Variants in ROBO2 observed in about 807,000 individuals in gnomAD.
The protein encoded by ROBO2 is roundabout homolog 2.
In ROBO2, 53 loss-of-function variants were observed where a neutral mutation model predicts 160.8. The observed-to-expected ratio is 0.33, with a 90% CI of 0.26 to 0.41. The LOEUF (loss-of-function observed/expected upper bound fraction) is 0.41, where lower values mean the gene tolerates loss of function less well. Among genes scored for constraint, ROBO2 ranks in the 10% least tolerant of loss-of-function variants. ROBO2 has a pLI of 1.00. For synonymous variants in ROBO2, 664 were observed against 611.7 expected, an observed-to-expected ratio of 1.09 and a Z score of -1.26; for missense variants, 1,577 against 1,722.4, an observed-to-expected ratio of 0.92 and a Z score of 1.49.
At chr3:77,560,870 A>G (rs1443618892) in intron 9 of ROBO2, among the ~76,000 whole-genome samples, 2 of 152,078 alleles carry the variant, frequency 1.3e-5, no homozygotes, top group African/African-American at 4.8e-5. Context: ...AAATTCTTTT[A>G]CTCTTTCACA....
chr3:76,928,438 C>T (rs540242961), intron 2 of ROBO2, among the ~76,000 whole-genome samples: 1 of 147,844 alleles, frequency 6.8e-6, no homozygotes, highest in Non-Finnish European at 1.5e-5. Flanking sequence ...TTGTGTGCTA[C>T]TAAGTTTATG....
intron 2 of ROBO2, among the ~76,000 whole-genome samples, chr3:76,122,968 T>C (rs1366946763): frequency 2.0e-5 from 3 of 151,982 alleles, no homozygotes; most frequent in Admixed American, 6.6e-5. Flanking sequence ...AGGTTGGTCT[T>C]GATCTCCTGA....
chr3:76,702,520 T>C (rs2093067157), intron 2 of ROBO2, among the ~76,000 whole-genome samples: 1 of 145,144 alleles, frequency 6.9e-6, no homozygotes, highest in Non-Finnish European at 1.5e-5. Flanking sequence ...TGTATGTGTG[T>C]GTGAAAGACA....
intron 2 of ROBO2, among the ~76,000 whole-genome samples, chr3:76,951,290 C>G (rs2078939412): frequency 2.6e-5 from 4 of 152,204 alleles, no homozygotes. Context: ...CATTTGTACT[C>G]TCTTTTCTGT....
chr3:76,487,442 A>G (rs932455954), intron 2 of ROBO2, among the ~76,000 whole-genome samples: 1 of 152,198 alleles, frequency 6.6e-6, no homozygotes, highest in Non-Finnish European at 1.5e-5. Flanking sequence ...TGTTATTCTG[A>G]TAAAAATATA....
chr3:76,022,771 GA>G (rs1263084237), intron 2 of ROBO2, among the ~76,000 whole-genome samples: 1 of 151,706 alleles, frequency 6.6e-6, no homozygotes, highest in African/African-American at 2.4e-5. Flanking sequence ...AATGGTAAAT[GA>G]ATATTGGCTT....
At chr3:77,504,650 C>A (rs964399276) in intron 5 of ROBO2, among the ~76,000 whole-genome samples, 4 of 151,900 alleles carry the variant, frequency 2.6e-5, no homozygotes, top group African/African-American at 4.8e-5. Flanking sequence ...AAACGTAAAC[C>A]CCAAATCGCC....
At chr3:76,961,958 G>A (rs887650661) in intron 2 of ROBO2, among the ~76,000 whole-genome samples, 1 of 152,116 alleles carries the variant, frequency 6.6e-6, no homozygotes, top group African/African-American at 2.4e-5. Context: ...CAATGCTTTG[G>A]GAGGCCAAGG....
intron 2 of ROBO2, among the ~76,000 whole-genome samples, chr3:76,813,196 A>G (rs1345628591): frequency 3.3e-5 from 5 of 152,038 alleles, no homozygotes; most frequent in African/African-American, 9.7e-5. Flanking sequence ...TGCAAGACTA[A>G]AATAATTATA....
chr3:76,501,368 C>A (rs2080454323), intron 2 of ROBO2, among the ~76,000 whole-genome samples: 1 of 152,148 alleles, frequency 6.6e-6, no homozygotes, highest in African/African-American at 2.4e-5. Flanking sequence ...ATTATATTAT[C>A]CCAATCCTCT....
intron 2 of ROBO2, among the ~76,000 whole-genome samples, chr3:76,319,948 G>A (rs575608949): frequency 1.2e-4 from 18 of 152,122 alleles, no homozygotes; most frequent in South Asian, 4.1e-4. Context: ...CAGGATTAGA[G>A]GGGGGAAGGC....
At chr3:76,269,440 G>A (rs1050731724) in intron 2 of ROBO2, among the ~76,000 whole-genome samples, 1 of 151,836 alleles carries the variant, frequency 6.6e-6, no homozygotes, top group Non-Finnish European at 1.5e-5. Context: ...TGAATGTTCA[G>A]ATCTAATACA....
chr3:77,022,061 T>A, intron 2 of ROBO2, among the ~76,000 whole-genome samples: 1 of 152,116 alleles, frequency 6.6e-6, no homozygotes, highest in Non-Finnish European at 1.5e-5. Flanking sequence ...GGCAAAATAA[T>A]GAAACCTCAC....
intron 2 of ROBO2, among the ~76,000 whole-genome samples, chr3:76,396,659 A>G (rs1157335249): frequency 6.6e-6 from 1 of 152,200 alleles, no homozygotes. Context: ...AAAAATCACA[A>G]GCATTCTTAT....
chr3:76,673,749 C>T (rs2092332244), intron 2 of ROBO2, among the ~76,000 whole-genome samples: 1 of 151,470 alleles, frequency 6.6e-6, no homozygotes, highest in Non-Finnish European at 1.5e-5. Flanking sequence ...TGAAAATAGA[C>T]CCAAAATTCA....
intron 2 of ROBO2, among the ~76,000 whole-genome samples, chr3:76,566,139 G>A (rs1011671868): frequency 6.6e-6 from 1 of 152,160 alleles, no homozygotes; most frequent in Non-Finnish European, 1.5e-5. Flanking sequence ...AGTACTTTCA[G>A]AACAGTAGAT....
intron 2 of ROBO2, among the ~76,000 whole-genome samples, chr3:77,340,210 G>A (rs113560636): frequency 2.0e-5 from 3 of 152,170 alleles, no homozygotes; most frequent in African/African-American, 7.2e-5. Flanking sequence ...TGTCATGAAT[G>A]GTAACGAGAA....
chr3:76,852,198 G>A (rs1456875036), intron 2 of ROBO2, among the ~76,000 whole-genome samples: 4 of 152,140 alleles, frequency 2.6e-5, no homozygotes, highest in African/African-American at 9.7e-5. Flanking sequence ...TTAAAAACTG[G>A]AGAAAAGCAT....
At chr3:76,029,969 T>G (rs1041541217) in intron 2 of ROBO2, among the ~76,000 whole-genome samples, 1 of 152,178 alleles carries the variant, frequency 6.6e-6, no homozygotes, top group Non-Finnish European at 1.5e-5. Context: ...TGAACTAGTT[T>G]ACAGTCCCAC....
Sources: allele counts gnomAD v4.1 joint callset (sites outside exome capture counted in the v4.1 genomes callset), GRCh38; gene constraint gnomAD v4.1.1; transcripts MANE v1.5; gene names NCBI Gene and HGNC (gene_info 2026-07-23, HGNC 2026-07-21).